The following BCL11A variants were observed in gnomAD, a reference collection of about 807,000 sequenced individuals.
The protein encoded by BCL11A is B cell CLL/lymphoma 11A.
In BCL11A, 2 loss-of-function variants were observed where a neutral mutation model predicts 55.9. The ratio of observed to expected loss-of-function variants is 0.04; its 90% CI spans 0.01 to 0.11. The LOEUF (loss-of-function observed/expected upper bound fraction) is 0.11, where lower values mean the gene tolerates loss of function less well. BCL11A is among the 10% of genes least tolerant of loss of function. BCL11A has a pLI of 1.00. For synonymous variants in BCL11A, 465 were observed against 473.4 expected, an observed-to-expected ratio of 0.98 and a Z score of 0.23; for missense variants, 817 against 1,137.1, an observed-to-expected ratio of 0.72 and a Z score of 4.05.
At chr2:60,494,614 G>T (rs951620513) in intron 2 of BCL11A, among the ~76,000 whole-genome samples, 10 of 152,248 alleles carry the variant, frequency 6.6e-5, no homozygotes, top group East Asian at 3.9e-4. Context: ...CATTCCTAAT[G>T]ATTTATCACC....
downstream of BCL11A, chr2:60,452,656 G>T (rs756792680): frequency 1.2e-6 from 2 of 1,613,642 alleles, no homozygotes; most frequent in East Asian, 2.2e-5. Flanking sequence ...GAATGGGGGT[G>T]TGTGAAGAAC....
intron 1 of BCL11A, among the ~76,000 whole-genome samples, chr2:60,547,907 T>C (rs747182084): frequency 2.6e-5 from 4 of 152,224 alleles, no homozygotes; most frequent in Non-Finnish European, 4.4e-5. Context: ...CCTCCTAATT[T>C]AACATAAGGT....
intron 2 of BCL11A, chr2:60,524,471 GTTTTTT>G (rs201478376): frequency 6.7e-5 from 10 of 149,640 alleles, no homozygotes; most frequent in African/African-American, 2.5e-4. Context: ...TTTTGTTTTT[GTTTTTT>G]TTTCTTTTTT....
chr2:60,520,222 T>G (rs1668917904), intron 2 of BCL11A, among the ~76,000 whole-genome samples: 2 of 152,212 alleles, frequency 1.3e-5, no homozygotes, highest in African/African-American at 4.8e-5. Context: ...AAAATTTTCC[T>G]CAAAAGTTCC....
chr2:60,469,700 G>T (rs1001505158), intron 2 of BCL11A, among the ~76,000 whole-genome samples: 1 of 152,206 alleles, frequency 6.6e-6, no homozygotes, highest in African/African-American at 2.4e-5. Context: ...GTAGCACTGA[G>T]ATTTTTTTGA....
chr2:60,526,643 T>C (rs2104596330), intron 2 of BCL11A: 1 of 152,354 alleles, frequency 6.6e-6, no homozygotes, highest in African/African-American at 2.4e-5. Context: ...AGGCCTCCTC[T>C]CGGATTATGA....
At chr2:60,498,549 C>A (rs1042616572) in intron 2 of BCL11A, among the ~76,000 whole-genome samples, 1 of 152,210 alleles carries the variant, frequency 6.6e-6, no homozygotes, top group Non-Finnish European at 1.5e-5. Flanking sequence ...CTAGAATTGG[C>A]CTGGGACATT....
intron 2 of BCL11A, among the ~76,000 whole-genome samples, chr2:60,476,591 A>G (rs70953653): frequency 0.076 from 11,535 of 152,354 alleles, 579 homozygotes; most frequent in Non-Finnish European, 0.11. Flanking sequence ...AGCCATGTGT[A>G]AAATGAATTT....
intron 2 of BCL11A, among the ~76,000 whole-genome samples, chr2:60,521,093 ACACACACT>A (rs1262238335): frequency 9.8e-5 from 8 of 81,446 alleles, no homozygotes; most frequent in African/African-American, 2.4e-4. Context: ...ACACACACAC[ACACACACT>A]CACACACACA....
At chr2:60,478,906 T>C (rs1207369020) in intron 2 of BCL11A, among the ~76,000 whole-genome samples, 1 of 151,534 alleles carries the variant, frequency 6.6e-6, no homozygotes, top group African/African-American at 2.4e-5. Context: ...TCAGTCCTCA[T>C]CTCTCTGGCA....
chr2:60,521,810 T>C (rs356976), intron 2 of BCL11A, among the ~76,000 whole-genome samples: 108,065 of 152,028 alleles, frequency 0.71, 38,550 homozygotes, highest in South Asian at 0.79. Flanking sequence ...TTCCTGACCC[T>C]CACCACGAGG....
intron 2 of BCL11A, among the ~76,000 whole-genome samples, chr2:60,485,585 T>A (rs1372921293): frequency 1.3e-5 from 2 of 152,198 alleles, no homozygotes; most frequent in African/African-American, 4.8e-5. Flanking sequence ...TCAACTCATT[T>A]AAAAAGAAAA....
intron 2 of BCL11A, among the ~76,000 whole-genome samples, chr2:60,539,426 G>C (rs1286698559): frequency 6.6e-6 from 1 of 152,186 alleles, no homozygotes; most frequent in South Asian, 2.1e-4. Context: ...TGACGAATGA[G>C]CTCAGAAATA....
intron 1 of BCL11A, among the ~76,000 whole-genome samples, chr2:60,547,855 G>C (rs1454416359): frequency 6.6e-6 from 1 of 152,128 alleles, no homozygotes; most frequent in East Asian, 1.9e-4. Flanking sequence ...AGCTGCACCT[G>C]TGCTCAAGTA....
At chr2:60,465,833 A>AG (rs1408582899) in intron 3 of BCL11A, among the ~76,000 whole-genome samples, 1 of 152,204 alleles carries the variant, frequency 6.6e-6, no homozygotes, top group African/African-American at 2.4e-5. Flanking sequence ...TTAATTACTG[A>AG]GGGTAATGAC....
At chr2:60,500,169 C>T (rs879701923) in intron 2 of BCL11A, among the ~76,000 whole-genome samples, 5 of 152,228 alleles carry the variant, frequency 3.3e-5, no homozygotes, top group Admixed American at 6.5e-5. Context: ...CAGAGGCCTG[C>T]GGCTGTGCCC....
At position 60,476,842 on chromosome 2, in the gene BCL11A, ATCTT is replaced by A. The variant is rs1677634601; in HGVS notation, c.386-8013_386-8010del. ...GGTGAAACCTTTTGAAAAGTTAACA[ATCTT>A]TCTGTAATGTGAAAAATCACTCTCT... On this transcript the variant is annotated intron_variant, in intron 2 of 3. Coordinates refer to ENST00000642384, the MANE Select transcript of BCL11A (RefSeq NM_022893.4). 3.3e-5 allele frequency among the ~76,000 whole-genome samples: 5 copies of A among 152,346 alleles called. No individual in the cohort carries two copies. In the South Asian group the frequency reaches 1.0e-3, roughly 32 times the overall value.
intron 2 of BCL11A, among the ~76,000 whole-genome samples, chr2:60,470,972 C>T (rs574226750): frequency 1.3e-5 from 2 of 152,312 alleles, no homozygotes; most frequent in East Asian, 3.9e-4. Flanking sequence ...CTCCTGACTC[C>T]TGATCCAGTG....
At chr2:60,532,666 C>G (rs1460474512) in intron 2 of BCL11A, among the ~76,000 whole-genome samples, 2 of 152,186 alleles carry the variant, frequency 1.3e-5, no homozygotes, top group African/African-American at 2.4e-5. Context: ...TATGACTTTA[C>G]TTGAAAAACA....
Sources: allele counts gnomAD v4.1 joint callset (sites outside exome capture counted in the v4.1 genomes callset), GRCh38; gene constraint gnomAD v4.1.1; transcripts MANE v1.5; gene names NCBI Gene and HGNC (gene_info 2026-07-23, HGNC 2026-07-21).